The following COL6A6 variants were observed in gnomAD, a reference collection of about 807,000 sequenced individuals.
COL6A6 encodes the protein collagen type VI alpha 6 chain, also known as collagen alpha-6(VI) chain.
COL6A6 carries 183 observed loss-of-function variants against 208.6 expected under a neutral mutation model. The ratio of observed to expected loss-of-function variants is 0.88; its 90% CI spans 0.78 to 0.99. COL6A6 has a LOEUF of 0.99. Among genes scored for constraint, COL6A6 ranks in the 50% least tolerant of loss-of-function variants. The pLI is 0.00. For synonymous variants in COL6A6, 973 were observed against 1,011.8 expected, an observed-to-expected ratio of 0.96 and a Z score of 0.73; for missense variants, 2,816 against 2,815.2, an observed-to-expected ratio of 1.00 and a Z score of -0.01.
At chr3:130,645,553 C>T (rs1267256696) in intron 32 of COL6A6, among the ~76,000 whole-genome samples, 1 of 152,170 alleles carries the variant, frequency 6.6e-6, no homozygotes, top group African/African-American at 2.4e-5. Flanking sequence ...GCTGGGATTA[C>T]AGGTGTGAGC....
rs112608083 is a variant in COL6A6, at chr3:130,574,500, C to T, written c.3522C>T (p.Asn1174=). Residue 1174 remains asparagine, a synonymous_variant, in exon 8 of 37, where the codon AAC becomes AAT. Coordinates refer to ENST00000358511, the MANE Select transcript of COL6A6 (RefSeq NM_001102608.3). ...LKKVNKRIVR[N]ICTTAGESNC... Reference sequence around the variant, plus strand: ...AGGTCAATAAAAGGATCGTTCGCAACATCTGTACCACAGCGGGTGAAAGCA... The same window carrying T: ...AGGTCAATAAAAGGATCGTTCGCAATATCTGTACCACAGCGGGTGAAAGCA... The T allele has an allele frequency of 4.8e-4, 768 of 1,613,922 alleles. 4 individuals are homozygous for T. In the African/African-American group the frequency reaches 8.6e-3, roughly 18 times the overall value.
chr3:130,641,756 T>TA (rs746800180), intron 29 of COL6A6, 42 bp downstream of exon 29: 51,875 of 939,738 alleles, frequency 0.055, no homozygotes, highest in South Asian at 0.067. Context: ...CCTTTTCCAT[T>TA]AAAAAAAAAA....
chr3:130,535,364 T>G (rs1487400009), intron 1 of COL6A6, among the ~76,000 whole-genome samples: 2 of 152,174 alleles, frequency 1.3e-5, no homozygotes, highest in Non-Finnish European at 2.9e-5. Flanking sequence ...CATTTTATAC[T>G]TTTTTGTGCT....
Position 130,598,366 on chromosome 3 carries a change from G to T in COL6A6, c.4535G>T (p.Gly1512Val), listed in dbSNP as rs2063907889. 1 of 1,539,526 alleles carries T rather than the reference G, an allele frequency of 6.5e-7. No homozygotes were observed. The highest frequency in any genetic ancestry group is 1.4e-5 in the African/African-American group (1 of 72,650). ...RGAKGLRGDP[G>V]APGVDSSIEG... is the part of the protein sequence containing the mutation. ...TTTCTCTTTATTTTCTATTTTTAGG[G>T]AGCTCCTGGAGTTGACAGTAGCATA... is the stretch of plus-strand genomic sequence containing the variant. Residue 1512 changes from glycine (G) to valine (V), a missense_variant and splice_region_variant, in exon 19 of 37, where the codon GGA (glycine) becomes GTA (valine). Physicochemically the swap from Gly to Val is moderately radical, Grantham distance 109. Transcript: ENST00000358511.
At chr3:130,662,329 T>C in intron 35 of COL6A6, 21 bp downstream of exon 35, 1 of 1,593,486 alleles carries the variant, frequency 6.3e-7, no homozygotes, top group Non-Finnish European at 8.6e-7. Flanking sequence ...AAATCTGTTG[T>C]TCTCTGCACT....
chr3:130,628,840 T>TATA (rs1190562653), intron 26 of COL6A6, among the ~76,000 whole-genome samples: 1 of 88,942 alleles, frequency 1.1e-5, no homozygotes, highest in South Asian at 3.5e-4. Flanking sequence ...GAGGGTCCTG[T>TATA]CTGTTAGAAG....
At chr3:130,598,268 C>T (rs369036600) in intron 18 of COL6A6, 97 bp from the exon 19 acceptor site, 5 of 783,836 alleles carry the variant, frequency 6.4e-6, no homozygotes, top group Non-Finnish European at 1.0e-5. Context: ...TTGGAATTGT[C>T]AACTTCTCGA....
At chr3:130,518,912 A>G (rs1710902908) in intron 1 of COL6A6, among the ~76,000 whole-genome samples, 1 of 152,210 alleles carries the variant, frequency 6.6e-6, no homozygotes, top group Non-Finnish European at 1.5e-5. Flanking sequence ...AAATTTTATA[A>G]TGTTCATGAA....
chr3:130,555,112 C>T (rs983263702), intron 1 of COL6A6, among the ~76,000 whole-genome samples: 2 of 152,184 alleles, frequency 1.3e-5, no homozygotes, highest in Admixed American at 6.5e-5. Flanking sequence ...GGCCACGCTC[C>T]ACTGCATATG....
At chr3:130,602,922 T>C (rs576277535) in intron 20 of COL6A6, among the ~76,000 whole-genome samples, 28 of 152,312 alleles carry the variant, frequency 1.8e-4, no homozygotes, top group African/African-American at 3.4e-4. Context: ...AAGTCATTCT[T>C]TGAGAAAGTA....
chr3:130,610,791 G>T (rs2064334851), intron 23 of COL6A6, 80 bp downstream of exon 23: 1 of 995,480 alleles, frequency 1.0e-6, no homozygotes, highest in Non-Finnish European at 1.5e-6. Flanking sequence ...TACAGGTGGA[G>T]TTATTTACTG....
At chr3:130,593,943 A>G (rs1446020732) in intron 17 of COL6A6, among the ~76,000 whole-genome samples, 1 of 152,136 alleles carries the variant, frequency 6.6e-6, no homozygotes, top group Non-Finnish European at 1.5e-5. Flanking sequence ...AGTCAGAAAC[A>G]ACCATCTTGG....
At chr3:130,598,642 GGTGACTT>G (rs1257491080) in intron 19 of COL6A6, among the ~76,000 whole-genome samples, 1 of 152,030 alleles carries the variant, frequency 6.6e-6, no homozygotes, top group Non-Finnish European at 1.5e-5. Flanking sequence ...CTAAATTTGG[GGTGACTT>G]GATTCACCAA....
At chr3:130,668,587 C>A (rs986764969) in intron 36 of COL6A6, among the ~76,000 whole-genome samples, 4 of 151,906 alleles carry the variant, frequency 2.6e-5, no homozygotes, top group African/African-American at 7.3e-5. Flanking sequence ...GCAAATATAT[C>A]AAAAATAAAG....
intron 10 of COL6A6, 80 bp downstream of exon 10, chr3:130,582,148 AG>A (rs2063439998): frequency 1.1e-6 from 1 of 896,388 alleles, no homozygotes; most frequent in South Asian, 1.7e-5. Context: ...TTAAATTTCC[AG>A]GCTCTTAAAT....
At chr3:130,568,003 A>G (rs1307646117) in intron 5 of COL6A6, 44 bp from the exon 6 acceptor site, 1 of 1,492,154 alleles carries the variant, frequency 6.7e-7, no homozygotes, top group Admixed American at 2.1e-5. Flanking sequence ...TGAACTTTTT[A>G]CATGTAGCTG....
At chr3:130,548,998 T>C (rs1232067614) in intron 1 of COL6A6, among the ~76,000 whole-genome samples, 1 of 152,230 alleles carries the variant, frequency 6.6e-6, no homozygotes, top group Non-Finnish European at 1.5e-5. Context: ...CCAAGCTTCT[T>C]ATATGCTAGG....
chr3:130,574,578 T>C, intron 8 of COL6A6, 53 bp downstream of exon 8: 2 of 1,457,574 alleles, frequency 1.4e-6, no homozygotes, highest in South Asian at 1.2e-5. Flanking sequence ...TTCTCTGGCA[T>C]TTTCTTCCAG....
chr3:130,634,651 A>G, intron 27 of COL6A6, 26 bp downstream of exon 27: 1 of 1,573,510 alleles, frequency 6.4e-7, no homozygotes, highest in Non-Finnish European at 8.7e-7. Flanking sequence ...TAGTAACTAG[A>G]GATCAGTCAG....
Sources: gnomAD v4.1 joint callset for allele counts (sites outside exome capture counted in the v4.1 genomes callset) on GRCh38, gnomAD v4.1.1 for gene constraint, MANE v1.5 for transcripts, NCBI Gene and HGNC (gene_info 2026-07-23, HGNC 2026-07-21) for gene names.